Variants in PAK3 observed in about 807,000 individuals in gnomAD.
PAK3 encodes the protein p21 (RAC1) activated kinase 3.
Under a neutral mutation model 41.0 loss-of-function variants are expected in PAK3, and 4 were observed. That is an observed-to-expected ratio of 0.10 (90% CI 0.05 to 0.22). PAK3 has a LOEUF of 0.22. Among genes scored for constraint, PAK3 ranks in the 10% least tolerant of loss-of-function variants. The pLI, the probability that PAK3 is intolerant of heterozygous loss-of-function variation, is 1.00. For missense variants in PAK3, 205 were observed against 409.9 expected (o/e 0.50, Z 4.32); for synonymous variants, 146 against 139.6 (o/e 1.05, Z -0.32).
intron 11 of PAK3, among the ~76,000 whole-genome samples, chrX:111,186,315 T>G (rs1378377010): frequency 3.6e-5 from 4 of 110,942 alleles, no homozygotes; most frequent in African/African-American, 1.3e-4. Flanking sequence ...CAGAAAGAAA[T>G]AAAGGGTGTT....
chrX:111,027,869 CAT>C (rs1262172755), intron 1 of PAK3, among the ~76,000 whole-genome samples: 2 of 109,342 alleles, frequency 1.8e-5, no homozygotes, highest in African/African-American at 3.3e-5. Flanking sequence ...CTTTCATACA[CAT>C]GTTTATAGCA....
chrX:111,150,577 AG>A (rs1316678506), intron 7 of PAK3, among the ~76,000 whole-genome samples: 1 of 111,736 alleles, frequency 8.9e-6, no homozygotes, highest in Non-Finnish European at 1.9e-5. Context: ...AAGAATCAAA[AG>A]CAAAAACCCA....
rs375235516 is a variant in PAK3 at position 110,967,321 on chromosome X, G to A, written c.-28+22693G>A. Among the ~76,000 whole-genome samples, 22 of 112,665 alleles carry A rather than the reference G, an allele frequency of 2.0e-4. 1 individual carries two copies. The East Asian group carries it at 5.9e-3, about 30-fold the overall frequency. On this transcript the variant is annotated intron_variant, in intron 1 of 14. Coordinates refer to the PAK3 transcript ENST00000425146. ...GATAGTATCTTCAGTGAGCTGGAGG[G>A]GGTTAGTGCTGAGGTGTCACGTGCA... is the stretch of plus-strand genomic sequence containing the variant.
At chrX:111,192,996 T>C (rs1482699583) in intron 13 of PAK3, among the ~76,000 whole-genome samples, 1 of 111,978 alleles carries the variant, frequency 8.9e-6, no homozygotes, top group Non-Finnish European at 1.9e-5. Flanking sequence ...AATGGGTGCT[T>C]TGTGATTAAC....
intron 1 of PAK3, among the ~76,000 whole-genome samples, chrX:111,039,861 T>C (rs1465704598): frequency 9.1e-6 from 1 of 109,597 alleles, no homozygotes; most frequent in East Asian, 2.9e-4. Context: ...GAAGGGGTCC[T>C]GTGAGGCACA....
intron 8 of PAK3, chrX:111,152,746 C>A (rs1367222155): frequency 5.1e-5 from 10 of 194,203 alleles, no homozygotes; most frequent in Non-Finnish European, 8.5e-5. Context: ...CAGGCAAGAA[C>A]TAATATGGAA....
At chrX:111,121,421 A>G (rs1357643019) in intron 4 of PAK3, among the ~76,000 whole-genome samples, 1 of 112,068 alleles carries the variant, frequency 8.9e-6, no homozygotes, top group Non-Finnish European at 1.9e-5. Context: ...GTAATTACAG[A>G]CTGTATATGT....
chrX:111,100,912 G>A (rs1020440709), intron 3 of PAK3, among the ~76,000 whole-genome samples: 6 of 111,449 alleles, frequency 5.4e-5, no homozygotes, highest in Non-Finnish European at 9.4e-5. Flanking sequence ...ACAACAAGGC[G>A]GTATAGGCAT....
At chrX:111,004,872 G>A (rs979851566) in intron 1 of PAK3, among the ~76,000 whole-genome samples, 9 of 111,853 alleles carry the variant, frequency 8.0e-5, no homozygotes, top group South Asian at 3.8e-4. Context: ...AAATGTTCTC[G>A]ACTCGTGGGT....
intron 1 of PAK3, among the ~76,000 whole-genome samples, chrX:110,947,278 C>A (rs1050577053): frequency 5.4e-5 from 6 of 111,840 alleles, no homozygotes; most frequent in Non-Finnish European, 1.1e-4. Flanking sequence ...CTGGACAATA[C>A]CTTGCTGTGG....
chrX:110,979,506 C>G (rs2091412221), intron 1 of PAK3, among the ~76,000 whole-genome samples: 1 of 110,285 alleles, frequency 9.1e-6, no homozygotes, highest in Non-Finnish European at 1.9e-5. Flanking sequence ...ACCGTGTTAG[C>G]CAGGATGGTC....
At chrX:111,078,583 C>T (rs1248976912) in intron 1 of PAK3, among the ~76,000 whole-genome samples, 1 of 110,978 alleles carries the variant, frequency 9.0e-6, no homozygotes, top group Non-Finnish European at 1.9e-5. Context: ...TTCTCCCTCT[C>T]CTAAGCCCTG....
chrX:111,221,854 T>G lies in PAK3; in HGVS notation c.*1407T>G, dbSNP rs1339133944. ...TGAAATTCTCTCCAGTGGAAAATAA[T>G]TTTAACTTACAATCATATCCCAAGA... On this transcript the variant is annotated 3_prime_UTR_variant, in exon 18 of 18. Coordinates refer to ENST00000372007, the MANE Select transcript of PAK3 (RefSeq NM_002578.5). The G allele has an allele frequency of 1.8e-5, 2 of 112,054 alleles. No individual in the cohort carries two copies. The highest frequency in any genetic ancestry group is 9.5e-5 in the Admixed American group (1 of 10,551). 9.2% of individuals were successfully genotyped at this position (112,054 alleles called of 1,213,427 possible).
chrX:111,172,373 T>C (rs2094353866), intron 10 of PAK3, among the ~76,000 whole-genome samples: 1 of 111,746 alleles, frequency 8.9e-6, no homozygotes. Context: ...TGTTATAGAT[T>C]AAAGGGTACA....
chrX:110,956,575 G>A (rs749606194), intron 1 of PAK3, among the ~76,000 whole-genome samples: 1 of 111,662 alleles, frequency 9.0e-6, no homozygotes, highest in Non-Finnish European at 1.9e-5. Flanking sequence ...ACTGCACAAG[G>A]GCTGCTTGTG....
At chrX:111,216,329 G>A (rs2067643703) in intron 16 of PAK3, 92 bp from the exon 17 acceptor site, 1 of 610,617 alleles carries the variant, frequency 1.6e-6, no homozygotes, top group Non-Finnish European at 2.8e-6. Flanking sequence ...GACCCAGAAT[G>A]TAAACCAGAA....
In PAK3 at chrX:111,163,599, C is replaced by T; in HGVS notation, c.638C>T (p.Pro213Leu). The T allele has an allele frequency of 1.7e-6, 2 of 1,201,919 alleles. No homozygotes were observed. The highest frequency in any genetic ancestry group is 2.3e-6 in the Non-Finnish European group (2 of 886,978). Reference sequence around the variant, plus strand: ...TCTGTGGTTGAATCCATTGCTTCACCAGCAGTACCAAATAAAGAGGTCACA... The same window carrying T: ...TCTGTGGTTGAATCCATTGCTTCACTAGCAGTACCAAATAAAGAGGTCACA... ...TRSVVESIAS[P>L]AVPNKEVTPP... The change falls in exon 10 of 18, where the codon CCA (proline) becomes CTA (leucine). Residue 213 changes from proline (P) to leucine (L), a missense_variant. By Grantham distance (98) the Pro-to-Leu change is moderately conservative (BLOSUM62 -3). Around this residue, in one of 5 missense-constraint regions of PAK3, gnomAD observed 75 missense variants for 91.9 expected, o/e 0.82. Coordinates refer to ENST00000372007, the MANE Select transcript of PAK3 (RefSeq NM_002578.5).
intron 1 of PAK3, among the ~76,000 whole-genome samples, chrX:110,970,859 A>G (rs969118266): frequency 1.2e-4 from 14 of 112,168 alleles, no homozygotes; most frequent in African/African-American, 3.9e-4. Context: ...ATTCGTTGAC[A>G]TATTATTCTG....
intron 11 of PAK3, among the ~76,000 whole-genome samples, chrX:111,181,140 A>ACT (rs1397356137): frequency 1.8e-5 from 2 of 111,820 alleles, no homozygotes; most frequent in Non-Finnish European, 3.8e-5. Flanking sequence ...TAAGAAAGGA[A>ACT]CTCTAACAAG....
Sources: allele counts gnomAD v4.1 joint callset (sites outside exome capture counted in the v4.1 genomes callset), GRCh38; gene constraint gnomAD v4.1.1; regional missense constraint gnomAD v4.1.1; transcripts MANE v1.5; gene names NCBI Gene and HGNC (gene_info 2026-07-23, HGNC 2026-07-21).